TNNT3: variants seen among roughly 807,000 people sequenced by gnomAD.
The protein encoded by TNNT3 is troponin T3, fast skeletal type.
TNNT3 carries 36 observed loss-of-function variants against 54.2 expected under a neutral mutation model. The ratio of observed to expected loss-of-function variants is 0.66; its 90% confidence interval spans 0.51 to 0.88. The LOEUF (loss-of-function observed/expected upper bound fraction) is 0.88, where lower values mean the gene tolerates loss of function less well. Among genes scored for constraint, TNNT3 ranks in the 40% least tolerant of loss-of-function variants. The probability of loss-of-function intolerance (pLI) is 0.00; values close to 1 mark genes in which losing one functional copy is unlikely to be tolerated. For missense variants in TNNT3, 291 were observed against 331.6 expected, an observed-to-expected ratio of 0.88 and a Z score of 0.95; for synonymous variants, 120 against 109.7, an observed-to-expected ratio of 1.09 and a Z score of -0.59.
At position 1,937,017 on chromosome 11, in the gene TNNT3, C is replaced by A. The variant is rs1304193447; in HGVS notation, c.722+14C>A. 1.9e-6 allele frequency: 3 copies of A among 1,591,014 alleles called. No individual in the cohort carries two copies. The highest frequency in any genetic ancestry group is 2.7e-5 in the African/African-American group (2 of 74,752). On this transcript the variant is annotated intron_variant, in intron 15 of 15. Coordinates refer to ENST00000278317, the MANE Select transcript of TNNT3 (RefSeq NM_006757.4). ...GGCCCAGAAGCAGTGAGTAGCCCTG[C>A]CGTCCTCGCTCCGCACTGGGCACAG...
At chr11:1,926,415 T>C (rs1280385008) in intron 5 of TNNT3, 2 of 1,611,782 alleles carry the variant, frequency 1.2e-6, no homozygotes, top group Non-Finnish European at 1.7e-6. Context: ...GCTTCTCCAT[T>C]GACCTCTGAC....
intron 6 of TNNT3, chr11:1,927,844 CGGGCA>C (rs1564809934): frequency 6.6e-6 from 1 of 152,394 alleles, no homozygotes; most frequent in Non-Finnish European, 1.5e-5. Context: ...GAGGCCAGGG[CGGGCA>C]GCCCATTCAT....
In TNNT3 at chr11:1,926,719, C is replaced by T. The variant is rs771959201; in HGVS notation, c.82+10C>T. 2.2e-5 allele frequency: 35 copies of T among 1,613,050 alleles called. No homozygotes were observed. The highest frequency in any genetic ancestry group is 2.3e-5 in the Non-Finnish European group (27 of 1,180,026). On this transcript the variant is annotated intron_variant, in intron 6 of 15. Transcript: ENST00000278317. Reference sequence around the variant, plus strand: ...GAGGAAGTTCAAGAAGGTACGCCGGCGCTCCCCCGCCTCCAGGCCAGAGTC... The same window carrying T: ...GAGGAAGTTCAAGAAGGTACGCCGGTGCTCCCCCGCCTCCAGGCCAGAGTC...
intron 1 of TNNT3, among the ~76,000 whole-genome samples, chr11:1,921,971 G>C (rs185509759): frequency 6.6e-6 from 1 of 152,224 alleles, no homozygotes; most frequent in African/African-American, 2.4e-5. Context: ...CCAGTCCTGG[G>C]CATGGAGCTT....
intron 4 of TNNT3, among the ~76,000 whole-genome samples, chr11:1,923,995 C>T (rs373311247): frequency 1.1e-4 from 16 of 151,250 alleles, no homozygotes; most frequent in African/African-American, 3.9e-4. Context: ...ATCTCAGAGT[C>T]TCTCCATCTC....
At chr11:1,927,342 C>T (rs1851897158) in intron 6 of TNNT3, among the ~76,000 whole-genome samples, 1 of 152,290 alleles carries the variant, frequency 6.6e-6, no homozygotes, top group South Asian at 2.1e-4. Flanking sequence ...GGCCTGCCCT[C>T]CCTGGTAGTG....
At chr11:1,932,100 C>T (rs747143494) in intron 8 of TNNT3, among the ~76,000 whole-genome samples, 12 of 152,180 alleles carry the variant, frequency 7.9e-5, no homozygotes, top group East Asian at 1.9e-4. Context: ...GGGAGGCCAC[C>T]GCCACCCACA....
chr11:1,935,065 A>G, intron 14 of TNNT3, 146 bp downstream of exon 14: 1 of 779,000 alleles, frequency 1.3e-6, no homozygotes, highest in Admixed American at 2.0e-5. Context: ...GTTGCCACGG[A>G]CCCCTGGCTG....
chr11:1,929,166 G>A (rs367900904), intron 7 of TNNT3, 23 bp downstream of exon 7: 110 of 1,611,910 alleles, frequency 6.8e-5, no homozygotes, highest in African/African-American at 1.7e-4. Flanking sequence ...CCCTGCCGCC[G>A]GAGGTGCAGG....
intron 14 of TNNT3, 78 bp from the exon 15 acceptor site, chr11:1,936,885 G>T (rs1173535925): frequency 6.1e-6 from 9 of 1,485,092 alleles, no homozygotes. Context: ...CCCACCCTGC[G>T]GTGGAGACAG....
rs1246423550 is a variant in TNNT3, at chr11:1,933,712, T to C, written c.172-9T>C. 6.2e-7 allele frequency: 1 copy of C among 1,611,182 alleles called. No individual in the cohort carries two copies. Among genetic ancestry groups the C allele is most frequent in the African/African-American group, 1.3e-5 (1 of 74,904 alleles). ...GGGTGGGGCTCACACCCACTGCCCC[T>C]GCCCACAGGACATCCAGAAGAAGCG... is the stretch of plus-strand genomic sequence containing the variant. On this transcript the variant is annotated splice_polypyrimidine_tract_variant and intron_variant, in intron 9 of 15. Coordinates refer to ENST00000278317, the MANE Select transcript of TNNT3 (RefSeq NM_006757.4).
chr11:1,932,334 A>G, intron 8 of TNNT3, 135 bp from the exon 9 acceptor site: 1 of 820,870 alleles, frequency 1.2e-6, no homozygotes, highest in Non-Finnish European at 2.1e-6. Context: ...ACGTGTCACT[A>G]GGCGGGCATG....
intron 1 of TNNT3, chr11:1,921,454 A>G (rs74047681): frequency 6.6e-6 from 1 of 152,342 alleles, no homozygotes; most frequent in Non-Finnish European, 1.5e-5. Context: ...ACTGGGTCAC[A>G]CCGGGGGCCT....
intron 8 of TNNT3, 26 bp downstream of exon 8, chr11:1,929,854 G>T (rs537821594): frequency 2.5e-5 from 38 of 1,506,106 alleles, no homozygotes; most frequent in Non-Finnish European, 3.4e-5. Flanking sequence ...TGGCAGGCCC[G>T]CTGCTGAGTG....
chr11:1,929,770 G>C (rs545491880), intron 7 of TNNT3, 40 bp from the exon 8 acceptor site: 1 of 1,551,700 alleles, frequency 6.4e-7, no homozygotes, highest in East Asian at 2.4e-5. Flanking sequence ...CTCTCCCCAC[G>C]CTGGTGTCCC....
intron 6 of TNNT3, 95 bp from the exon 7 acceptor site, chr11:1,929,025 C>T (rs746828907): frequency 1.8e-5 from 26 of 1,419,204 alleles, no homozygotes; most frequent in Non-Finnish European, 2.6e-5. Context: ...GAGGGGTGGG[C>T]CCCTTGCCCG....
In TNNT3 at chr11:1,926,679, G is replaced by T. The variant is rs577236508; in HGVS notation, c.68-16G>T. The T allele has an allele frequency of 3.9e-4, 627 of 1,613,452 alleles. 7 individuals carry two copies. In the South Asian group the frequency reaches 6.7e-3, roughly 17 times the overall value. On this transcript the variant is annotated splice_polypyrimidine_tract_variant and intron_variant, in intron 5 of 15. Coordinates refer to ENST00000278317, the MANE Select transcript of TNNT3 (RefSeq NM_006757.4). ...TCTCTCCCGCCCTTTCTGCCACCATGACGCTGCTTCTGCAGAGGAAGTTCA... is the reference window on the plus strand; with the variant it reads ...TCTCTCCCGCCCTTTCTGCCACCATTACGCTGCTTCTGCAGAGGAAGTTCA...
chr11:1,919,579 G>A (rs1649064895), upstream of TNNT3: 2 of 152,302 alleles, frequency 1.3e-5, no homozygotes, highest in South Asian at 4.1e-4. Context: ...ACTTGGTAAG[G>A]GGCCTGCACG....
intron 4 of TNNT3, among the ~76,000 whole-genome samples, chr11:1,923,974 A>G (rs1003465140): frequency 2.1e-5 from 3 of 141,498 alleles, no homozygotes; most frequent in African/African-American, 5.7e-5. Flanking sequence ...CTCTATCTCT[A>G]CCCTCCCGGC....
Sources: gnomAD v4.1 joint callset for allele counts (sites outside exome capture counted in the v4.1 genomes callset) on GRCh38, gnomAD v4.1.1 for gene constraint, MANE v1.5 for transcripts, NCBI Gene and HGNC (gene_info 2026-07-23, HGNC 2026-07-21) for gene names.